Variants in SLTM observed in about 807,000 individuals in gnomAD.
SLTM encodes the protein SAFB-like transcription modulator.
In SLTM, 43 loss-of-function variants were observed where a neutral mutation model predicts 134.6. The ratio of observed to expected loss-of-function variants is 0.32; its 90% CI spans 0.25 to 0.41. The LOEUF (loss-of-function observed/expected upper bound fraction) is 0.41, where lower values mean the gene tolerates loss of function less well. Ranked by LOEUF, SLTM falls within the 10% of genes least tolerant of loss-of-function variation. SLTM has a pLI of 1.00. For synonymous variants in SLTM, 424 were observed against 432.3 expected (o/e 0.98, Z 0.24); for missense variants, 1,055 against 1,288.8 (o/e 0.82, Z 2.78).
chr15:58,921,930 C>T (rs1222835582), intron 2 of SLTM, among the ~76,000 whole-genome samples: 1 of 152,066 alleles, frequency 6.6e-6, no homozygotes, highest in Non-Finnish European at 1.5e-5. Flanking sequence ...CGCATGCCAC[C>T]ACCCCAGCTA....
intron 2 of SLTM, 71 bp downstream of exon 2, chr15:58,932,285 A>G: frequency 9.1e-7 from 1 of 1,093,882 alleles, no homozygotes; most frequent in South Asian, 1.2e-5. Context: ...AAACAGGGCA[A>G]GAGGCACAAG....
intron 8 of SLTM, among the ~76,000 whole-genome samples, chr15:58,897,724 ATAAG>A (rs1380356690): frequency 2.6e-5 from 4 of 152,284 alleles, no homozygotes; most frequent in East Asian, 1.9e-4. Flanking sequence ...ATATTAGAGA[ATAAG>A]TAAGACAAAA....
intron 2 of SLTM, among the ~76,000 whole-genome samples, chr15:58,927,755 C>G (rs1341219225): frequency 6.6e-6 from 1 of 152,190 alleles, no homozygotes; most frequent in African/African-American, 2.4e-5. Flanking sequence ...TAAGAAATAT[C>G]TATAACAATT....
chr15:58,932,315 A>C (rs2037934658), intron 2 of SLTM, 41 bp downstream of exon 2: 2 of 1,495,190 alleles, frequency 1.3e-6, no homozygotes, highest in Admixed American at 3.3e-5. Context: ...AAGTTATATA[A>C]CCAAAATATA....
At position 58,889,531 on chromosome 15, in the gene SLTM, C is replaced by T. The variant is rs1457681332; in HGVS notation, c.2103G>A (p.Arg701=). Residue 701 remains arginine, a synonymous_variant, in exon 16 of 21, where the codon CGG becomes CGA. Coordinates refer to ENST00000380516, the MANE Select transcript of SLTM (RefSeq NM_024755.4). The part of the protein sequence containing the change: ...IEQERRKEAE[R]IAREREELRR... ...TGAGTTCCTCTCTTTCTCGAGCAAT[C>T]CGTTCAGCTTCCTTACGACGTTCCT... 2 of 1,614,020 alleles carry T rather than the reference C, an allele frequency of 1.2e-6. No individual in the cohort carries two copies.
At chr15:58,880,226 C>A (rs1404257673) in intron 20 of SLTM, 119 bp from the exon 21 acceptor site, 3 of 1,360,562 alleles carry the variant, frequency 2.2e-6, no homozygotes. Context: ...TTCAACAGTC[C>A]CGTGAGGTCT....
chr15:58,906,234 T>C (rs1448466222), intron 5 of SLTM, among the ~76,000 whole-genome samples: 1 of 152,214 alleles, frequency 6.6e-6, no homozygotes, highest in African/African-American at 2.4e-5. Flanking sequence ...AGATTTTTTT[T>C]CCAAATGAGG....
At position 58,926,834 on chromosome 15, in the gene SLTM, G is replaced by T. The variant is rs1349498471; in HGVS notation, c.250+5522C>A. 2.4e-4 allele frequency among the ~76,000 whole-genome samples: 37 copies of T among 151,948 alleles called. 1 individual carries two copies. Among genetic ancestry groups the T allele is most frequent in the East Asian group, 3.9e-4 (2 of 5,174 alleles). On this transcript the variant is annotated intron_variant, in intron 2 of 20. Transcript: ENST00000380516. ...TCACCATGTTGGCCAGGCTAGTCTC[G>T]AACTCCTGACCTTGTGATCCACCCA...
chr15:58,912,837 A>T (rs562711395), intron 4 of SLTM: 10 of 466,092 alleles, frequency 2.1e-5, no homozygotes, highest in African/African-American at 1.4e-4. Flanking sequence ...CTCATTTATT[A>T]GGGTAGGTAG....
chr15:58,893,239 C>G (rs774974071), intron 13 of SLTM, 40 bp downstream of exon 13: 1 of 1,510,530 alleles, frequency 6.6e-7, no homozygotes, highest in Non-Finnish European at 9.1e-7. Flanking sequence ...CTTTTGTAAA[C>G]AGCTGAAGTA....
At chr15:58,916,849 C>G (rs1340754849) in intron 3 of SLTM, 86 bp downstream of exon 3, 1 of 1,097,370 alleles carries the variant, frequency 9.1e-7, no homozygotes, top group East Asian at 2.4e-5. Context: ...ACTTCAGTGA[C>G]CATTGTTCAA....
chr15:58,893,057 G>C lies in SLTM; in HGVS notation c.1738C>G (p.His580Asp), dbSNP rs771874265. ...PSRRGRYEKI[H>D]GRSKEKERAS... is the part of the protein sequence containing the mutation. Reference sequence around the variant, plus strand: ...CTCTCCTTTTCCTTACTTCTTCCATGAATCTGTAGAAAAAAATTAGAAGAA... The same window carrying C: ...CTCTCCTTTTCCTTACTTCTTCCATCAATCTGTAGAAAAAAATTAGAAGAA... The change falls in exon 14 of 21, where the codon CAT becomes GAT. Residue 580 changes from histidine to aspartate, a missense_variant. Coordinates refer to ENST00000380516, the MANE Select transcript of SLTM (RefSeq NM_024755.4). The C allele has an allele frequency of 4.5e-6, 7 of 1,568,542 alleles. No individual in the cohort carries two copies. In the East Asian group the frequency reaches 1.6e-4, roughly 35 times the overall value.
At chr15:58,926,250 G>C (rs1398021496) in intron 2 of SLTM, among the ~76,000 whole-genome samples, 4 of 152,132 alleles carry the variant, frequency 2.6e-5, no homozygotes, top group African/African-American at 9.7e-5. Flanking sequence ...ATAGACGGAA[G>C]GTTATTGTTT....
chr15:58,922,534 A>T (rs1360711947), intron 2 of SLTM, among the ~76,000 whole-genome samples: 2 of 82,558 alleles, frequency 2.4e-5, no homozygotes, highest in East Asian at 3.2e-4. Flanking sequence ...ATACGTATAT[A>T]ATATATTTTA....
chr15:58,908,002 C>CGTGTGTGTGTGTGTGTGTGTGTGT (rs140029214), intron 5 of SLTM, among the ~76,000 whole-genome samples: 7 of 139,870 alleles, frequency 5.0e-5, no homozygotes, highest in South Asian at 2.4e-4. Flanking sequence ...AAACATGCTG[C>CGTGTGTGTGTGTGTGTGTGTGTGT]GTGTGTGTGT....
chr15:58,885,315 A>G (rs1235828321), intron 19 of SLTM, among the ~76,000 whole-genome samples: 2 of 152,226 alleles, frequency 1.3e-5, no homozygotes, highest in African/African-American at 2.4e-5. Flanking sequence ...AGGCTTAGAT[A>G]TAATACTGGC....
chr15:58,902,600 C>T (rs987786328), intron 5 of SLTM, among the ~76,000 whole-genome samples: 9 of 151,602 alleles, frequency 5.9e-5, no homozygotes, highest in East Asian at 1.9e-4. Context: ...CTATGTTGCC[C>T]GGGCTGGTCT....
At chr15:58,894,890 A>G (rs754898409) in intron 9 of SLTM, among the ~76,000 whole-genome samples, 5 of 152,122 alleles carry the variant, frequency 3.3e-5, no homozygotes, top group Admixed American at 1.3e-4. Context: ...TTTTTAGTAC[A>G]GATAGGGTTT....
chr15:58,928,266 TTAAATC>T (rs1294924983), intron 2 of SLTM, among the ~76,000 whole-genome samples: 2 of 152,160 alleles, frequency 1.3e-5, no homozygotes, highest in African/African-American at 4.8e-5. Context: ...CCAAAAGTCT[TTAAATC>T]TATAATCTCT....
Sources: gnomAD v4.1 joint callset for allele counts (sites outside exome capture counted in the v4.1 genomes callset) on GRCh38, gnomAD v4.1.1 for gene constraint, MANE v1.5 for transcripts, NCBI Gene and HGNC (gene_info 2026-07-23, HGNC 2026-07-21) for gene names.